Variants in BBS7 observed in about 807,000 individuals in gnomAD.
BBS7 encodes the protein BBSome complex member BBS7.
Under a neutral mutation model 90.3 loss-of-function variants are expected in BBS7, and 50 were observed. The ratio of observed to expected loss-of-function variants is 0.55; its 90% confidence interval spans 0.44 to 0.70. The LOEUF is 0.70. Ranked by LOEUF, BBS7 falls within the 30% of genes least tolerant of loss-of-function variation. The pLI is 0.00. For synonymous variants in BBS7, 235 were observed against 287.4 expected, an observed-to-expected ratio of 0.82 and a Z score of 1.85; for missense variants, 729 against 838.9, an observed-to-expected ratio of 0.87 and a Z score of 1.62.
chr4:121,870,342 C>T lies in BBS7; in HGVS notation c.-29G>A. The T allele has an allele frequency of 6.2e-7, 1 of 1,614,104 alleles. No homozygotes were observed. The highest frequency in any genetic ancestry group is 8.5e-7 in the Non-Finnish European group (1 of 1,179,944). On this transcript the variant is annotated 5_prime_UTR_variant, in exon 1 of 19. Transcript: ENST00000264499. Reference sequence around the variant, plus strand: ...GACTACGCGGAGGGGCTAAGCAGCGCCGGACAAGAACAGGAGGGACAGAGG... The same window carrying T: ...GACTACGCGGAGGGGCTAAGCAGCGTCGGACAAGAACAGGAGGGACAGAGG...
At chr4:121,854,110 C>T (rs1726471337) in intron 7 of BBS7, among the ~76,000 whole-genome samples, 1 of 152,170 alleles carries the variant, frequency 6.6e-6, no homozygotes, top group Non-Finnish European at 1.5e-5. Flanking sequence ...TGACCCTCCT[C>T]CTTCTACCAT....
At chr4:121,869,194 T>C (rs1476454851) in intron 1 of BBS7, among the ~76,000 whole-genome samples, 3 of 152,170 alleles carry the variant, frequency 2.0e-5, no homozygotes, top group Non-Finnish European at 4.4e-5. Flanking sequence ...TGGAAGTACA[T>C]AGCATAAACC....
intron 3 of BBS7, 141 bp downstream of exon 3, chr4:121,863,076 A>C: frequency 1.3e-6 from 1 of 747,304 alleles, no homozygotes; most frequent in Non-Finnish European, 2.3e-6. Context: ...CTACCCGCAG[A>C]CTCATATCTC....
chr4:121,828,765 A>C, intron 15 of BBS7, 37 bp from the exon 16 acceptor site: 1 of 1,236,456 alleles, frequency 8.1e-7, no homozygotes, highest in Non-Finnish European at 1.1e-6. Context: ...GAATAGCTGT[A>C]GAAGGAAATT....
intron 13 of BBS7, among the ~76,000 whole-genome samples, chr4:121,835,920 T>C (rs1403131103): frequency 2.6e-5 from 4 of 152,180 alleles, no homozygotes; most frequent in Non-Finnish European, 5.9e-5. Context: ...CCCCAGATGA[T>C]CACTATTACT....
chr4:121,850,798 AATTCTAGT>A (rs1726276497), intron 8 of BBS7, among the ~76,000 whole-genome samples: 1 of 152,056 alleles, frequency 6.6e-6, no homozygotes, highest in Non-Finnish European at 1.5e-5. Flanking sequence ...CAATCAACAA[AATTCTAGT>A]ACTCTTCACC....
Position 121,867,995 on chromosome 4 carries a change from T to C in BBS7, c.88A>G (p.Arg30Gly). The change falls in exon 2 of 19, where the codon AGA becomes GGA. Residue 30 changes from arginine to glycine, a missense_variant. Arg to Gly is a moderately radical substitution (Grantham distance 125, BLOSUM62 -2). Coordinates refer to ENST00000264499, the MANE Select transcript of BBS7 (RefSeq NM_176824.3). ...TMKLIPASRH[R>G]ATQKVVIGDH... ...CTATACAGTACCTTTTGTGTAGCTC[T>C]GTGTCTTGAGGCAGGAATTAGCTTC... is the stretch of plus-strand genomic sequence containing the variant. 6.2e-7 allele frequency: 1 copy of C among 1,613,320 alleles called. No homozygotes were observed. Among genetic ancestry groups the C allele is most frequent in the South Asian group, 1.1e-5 (1 of 91,074 alleles).
At chr4:121,854,356 ACTT>A (rs890951491) in intron 7 of BBS7, among the ~76,000 whole-genome samples, 4 of 152,154 alleles carry the variant, frequency 2.6e-5, no homozygotes, top group African/African-American at 9.7e-5. Flanking sequence ...GACCCACTGC[ACTT>A]CTTCTTTGCC....
intron 2 of BBS7, among the ~76,000 whole-genome samples, chr4:121,866,644 A>G (rs1473452757): frequency 2.0e-5 from 3 of 152,114 alleles, no homozygotes; most frequent in Non-Finnish European, 4.4e-5. Context: ...CCTTCTGCAT[A>G]TGAATATTCA....
At chr4:121,862,963 A>G (rs1727063186) in intron 3 of BBS7, among the ~76,000 whole-genome samples, 1 of 152,190 alleles carries the variant, frequency 6.6e-6, no homozygotes, top group Non-Finnish European at 1.5e-5. Flanking sequence ...GTGTTGTGTT[A>G]AGGCCCTAAA....
At chr4:121,850,340 A>AT (rs547622199) in intron 8 of BBS7, among the ~76,000 whole-genome samples, 17 of 151,116 alleles carry the variant, frequency 1.1e-4, no homozygotes, top group Middle Eastern at 3.2e-3. Context: ...AATTTTTTAA[A>AT]TTTTTTGCAG....
chr4:121,826,035 T>C (rs746997724), intron 18 of BBS7, 42 bp from the exon 19 acceptor site: 2 of 1,493,828 alleles, frequency 1.3e-6, no homozygotes, highest in East Asian at 2.3e-5. Context: ...TGATTAGTTA[T>C]ATTTAATGAC....
chr4:121,849,055 G>T, intron 8 of BBS7, 127 bp from the exon 9 acceptor site: 1 of 665,426 alleles, frequency 1.5e-6, no homozygotes, highest in Non-Finnish European at 2.7e-6. Context: ...TTTATGTGCA[G>T]ACACTCAGAT....
intron 8 of BBS7, among the ~76,000 whole-genome samples, chr4:121,849,878 T>C (rs982434519): frequency 6.6e-6 from 1 of 152,138 alleles, no homozygotes; most frequent in Non-Finnish European, 1.5e-5. Flanking sequence ...AATACCCCGT[T>C]AAGTTTAGTC....
At chr4:121,858,562 G>T in intron 5 of BBS7, 1 of 166,778 alleles carries the variant, frequency 6.0e-6, no homozygotes, top group Non-Finnish European at 1.3e-5. Context: ...TATATTTACT[G>T]AGTGCTTATT....
intron 12 of BBS7, among the ~76,000 whole-genome samples, chr4:121,841,568 T>A (rs1241288303): frequency 2.7e-5 from 4 of 147,838 alleles, no homozygotes; most frequent in Admixed American, 6.7e-5. Context: ...CCCCATCTTT[T>A]AAAAAAAAAA....
chr4:121,835,044 A>T, intron 14 of BBS7, 100 bp downstream of exon 14: 2 of 1,205,972 alleles, frequency 1.7e-6, no homozygotes, highest in Non-Finnish European at 2.4e-6. Context: ...AATTTTTAAA[A>T]GTAGAAATTG....
At chr4:121,850,190 G>A (rs948534001) in intron 8 of BBS7, among the ~76,000 whole-genome samples, 2 of 151,282 alleles carry the variant, frequency 1.3e-5, no homozygotes, top group East Asian at 1.9e-4. Context: ...TTTTTAGACA[G>A]GACATTGATC....
chr4:121,870,036 C>T (rs1727500143), intron 1 of BBS7, among the ~76,000 whole-genome samples: 1 of 152,212 alleles, frequency 6.6e-6, no homozygotes, highest in South Asian at 2.1e-4. Flanking sequence ...TTCAGAGCAT[C>T]CTCAGGACCC....
Sources: gnomAD v4.1 joint callset for allele counts (sites outside exome capture counted in the v4.1 genomes callset) on GRCh38, gnomAD v4.1.1 for gene constraint, MANE v1.5 for transcripts, NCBI Gene and HGNC (gene_info 2026-07-23, HGNC 2026-07-21) for gene names.